HOOK1: variants seen among roughly 807,000 people sequenced by gnomAD.
The protein encoded by HOOK1 is protein Hook homolog 1.
HOOK1 carries 60 observed loss-of-function variants against 112.8 expected under a neutral mutation model. The observed-to-expected ratio is 0.53, with a 90% CI of 0.43 to 0.66. The LOEUF (loss-of-function observed/expected upper bound fraction) is 0.66. Ranked by LOEUF, HOOK1 falls within the 30% of genes least tolerant of loss-of-function variation. The pLI, the probability that HOOK1 is intolerant of heterozygous loss-of-function variation, is 0.00. For missense variants in HOOK1, 770 were observed against 856.0 expected (o/e 0.90, Z 1.25); for synonymous variants, 294 against 283.8 (o/e 1.04, Z -0.36).
rs770854791 is a variant in HOOK1 at position 59,843,558 on chromosome 1, G to A, written c.748G>A (p.Ala250Thr). The A allele has an allele frequency of 2.5e-6, 4 of 1,608,346 alleles. No individual in the cohort carries two copies. The highest frequency in any genetic ancestry group is 4.5e-5 in the East Asian group (2 of 44,628). The change falls in exon 9 of 22, where the codon GCA becomes ACA. Residue 250 changes from alanine to threonine, a missense_variant. This residue lies in a region of HOOK1 where 655 missense variants were observed against 725.9 expected (regional missense o/e 0.90). Coordinates refer to ENST00000371208, the MANE Select transcript of HOOK1 (RefSeq NM_015888.6). ...AGTGGTTGCAAAAAAGTATTTTCATGCACAATTACAACTAGAACAATTACA... is the reference window on the plus strand; with the variant it reads ...AGTGGTTGCAAAAAAGTATTTTCATACACAATTACAACTAGAACAATTACA... ...NTVVAKKYFH[A>T]QLQLEQLQEE...
intron 13 of HOOK1, 63 bp from the exon 14 acceptor site, chr1:59,858,922 A>C: frequency 1.2e-6 from 1 of 843,584 alleles, no homozygotes; most frequent in South Asian, 1.5e-5. Flanking sequence ...GGGGGGAAGG[A>C]GGGAGGGTTT....
At chr1:59,846,631 T>G (rs1158605966) in intron 9 of HOOK1, among the ~76,000 whole-genome samples, 1 of 132,482 alleles carries the variant, frequency 7.5e-6, no homozygotes, top group East Asian at 2.5e-4. Flanking sequence ...TCATTCTTTC[T>G]TTCTTTCTAA....
intron 19 of HOOK1, among the ~76,000 whole-genome samples, chr1:59,867,159 T>C (rs1170517610): frequency 1.3e-5 from 2 of 152,238 alleles, no homozygotes; most frequent in Non-Finnish European, 2.9e-5. Context: ...TAAATAATGG[T>C]TAAGATACTG....
At chr1:59,848,950 T>G (rs1183582493) in intron 11 of HOOK1, 123 bp from the exon 12 acceptor site, 4 of 488,626 alleles carry the variant, frequency 8.2e-6, no homozygotes, top group Non-Finnish European at 1.5e-5. Flanking sequence ...AAAATTAGAC[T>G]GCAATTTTAG....
At position 59,868,241 on chromosome 1, in the gene HOOK1, T is replaced by C; in HGVS notation, c.1846-9T>C. On this transcript the variant is annotated splice_polypyrimidine_tract_variant and intron_variant, in intron 19 of 21. Transcript: ENST00000371208. ...ATAAAGTGAACATAGTATTTTTTTC[T>C]TTAAACAGGTAATAAAAACTTTGGA... 2.0e-6 allele frequency: 3 copies of C among 1,478,044 alleles called. No homozygotes were observed. Among genetic ancestry groups the C allele is most frequent in the Non-Finnish European group, 2.8e-6 (3 of 1,060,964 alleles). 91.6% of individuals were successfully genotyped at this position (1,478,044 alleles called of 1,614,324 possible). A position where few individuals can be genotyped will look rare whatever the true frequency, so the allele number is the denominator to read the frequency against.
At chr1:59,826,773 T>G (rs1299787648) in intron 2 of HOOK1, among the ~76,000 whole-genome samples, 3 of 152,186 alleles carry the variant, frequency 2.0e-5, no homozygotes, top group Admixed American at 2.0e-4. Context: ...ATTCTTTTTC[T>G]TTTTTTGAGA....
At chr1:59,870,223 A>G (rs991349811) in intron 20 of HOOK1, among the ~76,000 whole-genome samples, 2 of 152,222 alleles carry the variant, frequency 1.3e-5, no homozygotes, top group Non-Finnish European at 1.5e-5. Flanking sequence ...TGATGAGAAA[A>G]TAGTCCCTGT....
At chr1:59,853,596 A>G (rs1301612303) in intron 12 of HOOK1, among the ~76,000 whole-genome samples, 1 of 152,084 alleles carries the variant, frequency 6.6e-6, no homozygotes, top group Non-Finnish European at 1.5e-5. Flanking sequence ...TAATGTAATT[A>G]CCGATAAAAA....
At chr1:59,860,374 G>T in intron 15 of HOOK1, 46 bp downstream of exon 15, 1 of 1,467,388 alleles carries the variant, frequency 6.8e-7, no homozygotes, top group African/African-American at 1.4e-5. Flanking sequence ...TTTTATTACC[G>T]AGCCATAAAA....
At chr1:59,833,576 A>C in intron 5 of HOOK1, 39 bp downstream of exon 5, 1 of 1,482,986 alleles carries the variant, frequency 6.7e-7, no homozygotes, top group South Asian at 1.4e-5. Context: ...TCTACTTTCT[A>C]GAAACTTTCT....
At chr1:59,859,106 T>C in intron 14 of HOOK1, 61 bp downstream of exon 14, 1 of 746,422 alleles carries the variant, frequency 1.3e-6, no homozygotes, top group Non-Finnish European at 1.9e-6. Flanking sequence ...TTGTTTTTTG[T>C]AAATGTCTTG....
chr1:59,862,747 C>G (rs751812967), intron 15 of HOOK1, 37 bp from the exon 16 acceptor site: 17 of 1,276,024 alleles, frequency 1.3e-5, no homozygotes, highest in South Asian at 3.7e-5. Context: ...CTTTGACTTT[C>G]AATACAAGTA....
chr1:59,841,290 G>A (rs2098400892), intron 8 of HOOK1, among the ~76,000 whole-genome samples: 1 of 152,148 alleles, frequency 6.6e-6, no homozygotes, highest in African/African-American at 2.4e-5. Flanking sequence ...AGCTAAATTT[G>A]TAGTTGATTC....
At chr1:59,872,687 C>T (rs1226422623) in intron 21 of HOOK1, 108 bp from the exon 22 acceptor site, 1 of 622,366 alleles carries the variant, frequency 1.6e-6, no homozygotes. Flanking sequence ...ATGAGGAAAG[C>T]CTTAGCTTTA....
At chr1:59,863,554 T>C (rs955608420) in intron 16 of HOOK1, among the ~76,000 whole-genome samples, 1 of 152,230 alleles carries the variant, frequency 6.6e-6, no homozygotes, top group East Asian at 1.9e-4. Flanking sequence ...TACAGTTTGA[T>C]CTTTTTATGT....
chr1:59,847,252 T>C, intron 10 of HOOK1, 67 bp downstream of exon 10: 1 of 1,322,142 alleles, frequency 7.6e-7, no homozygotes, highest in Non-Finnish European at 1.1e-6. Context: ...GAGTATTTCA[T>C]ATTTTAATCA....
chr1:59,837,795 G>A (rs925556133), intron 7 of HOOK1, among the ~76,000 whole-genome samples: 3 of 151,906 alleles, frequency 2.0e-5, no homozygotes, highest in East Asian at 1.9e-4. Context: ...TGCTGCACCC[G>A]TCAACCTGTT....
intron 5 of HOOK1, 133 bp from the exon 6 acceptor site, chr1:59,835,211 CT>C (rs1333687503): frequency 9.4e-6 from 6 of 638,576 alleles, no homozygotes; most frequent in Admixed American, 3.3e-5. Flanking sequence ...GGAAGACATA[CT>C]GGTGGACAAA....
rs764119596 is a variant in HOOK1, at chr1:59,833,457, C to A, written c.326C>A (p.Thr109Asn). The change falls in exon 5 of 22, where the codon ACC (threonine) becomes AAC (asparagine). Residue 109 changes from threonine to asparagine, a missense_variant. Physicochemically the swap from Thr to Asn is moderately conservative, Grantham distance 65. This residue lies in a region of HOOK1 where 655 missense variants were observed against 725.9 expected (regional missense o/e 0.90). Transcript: ENST00000371208. ...CTTATCCCTGATTTAAACCAAATAACCGAATGTTCAGATCCAGTGGAGCTT... is the reference window on the plus strand; with the variant it reads ...CTTATCCCTGATTTAAACCAAATAAACGAATGTTCAGATCCAGTGGAGCTT... ...EALIPDLNQI[T>N]ECSDPVELGR... is the part of the protein sequence containing the mutation. The A allele has an allele frequency of 5.7e-6, 9 of 1,583,468 alleles. No individual in the cohort carries two copies. The East Asian group carries it at 2.0e-4, about 36-fold the overall frequency.
Sources: gnomAD v4.1 joint callset for allele counts (sites outside exome capture counted in the v4.1 genomes callset) on GRCh38, gnomAD v4.1.1 for gene constraint, gnomAD v4.1.1 regional missense constraint, MANE v1.5 for transcripts, NCBI Gene and HGNC (gene_info 2026-07-23, HGNC 2026-07-21) for gene names.